The following CADPS2 variants were observed in gnomAD, a reference collection of about 807,000 sequenced individuals.
The protein encoded by CADPS2 is calcium-dependent secretion activator 2.
A neutral mutation model predicts 172.5 loss-of-function variants in CADPS2; 93 were observed. That is an observed-to-expected ratio of 0.54 (90% CI 0.46 to 0.64). The LOEUF (loss-of-function observed/expected upper bound fraction) is 0.64. Ranked by LOEUF, CADPS2 falls within the 30% of genes least tolerant of loss-of-function variation. The pLI, the probability that CADPS2 is intolerant of heterozygous loss-of-function variation, is 0.00. For synonymous variants in CADPS2, 546 were observed against 555.2 expected (o/e 0.98, Z 0.23); for missense variants, 1,420 against 1,565.9 (o/e 0.91, Z 1.57).
intron 12 of CADPS2, among the ~76,000 whole-genome samples, chr7:122,479,093 AT>A (rs2057013927): frequency 6.6e-6 from 1 of 152,136 alleles, no homozygotes; most frequent in Admixed American, 6.6e-5. Context: ...AAAGGAGGCC[AT>A]TTTTTAGCAT....
intron 2 of CADPS2, among the ~76,000 whole-genome samples, chr7:122,667,066 T>C (rs562838856): frequency 2.9e-4 from 44 of 152,334 alleles, no homozygotes; most frequent in Non-Finnish European, 5.3e-4. Context: ...AACCAATTTG[T>C]TATTGTTTAT....
At chr7:122,351,103 T>C (rs985162860) in intron 27 of CADPS2, among the ~76,000 whole-genome samples, 10 of 152,070 alleles carry the variant, frequency 6.6e-5, no homozygotes, top group Non-Finnish European at 1.0e-4. Context: ...TGGTGATTCA[T>C]GCCTGTAATC....
rs532944536 is a variant in CADPS2, at chr7:122,490,147, C to A, written c.1786G>T (p.Val596Phe). Residue 596 changes from valine to phenylalanine, a missense_variant, in exon 11 of 30, where the codon GTT becomes TTT. Coordinates refer to ENST00000449022, the MANE Select transcript of CADPS2 (RefSeq NM_017954.11). ...AGTTTCTGGGTTTGAATTGCAGGAACTGGTTTATATGATTGACCTGTGGCC... is the reference window on the plus strand; with the variant it reads ...AGTTTCTGGGTTTGAATTGCAGGAAATGGTTTATATGATTGACCTGTGGCC... ...YRATGQSYKP[V>F]PAIQTQKLNP... 3.2e-5 allele frequency: 51 copies of A among 1,613,346 alleles called. No individual in the cohort carries two copies. The highest frequency in any genetic ancestry group is 1.6e-4 in the Middle Eastern group (1 of 6,078).
At chr7:122,651,727 T>C (rs906989603) in intron 3 of CADPS2, among the ~76,000 whole-genome samples, 9 of 152,244 alleles carry the variant, frequency 5.9e-5, no homozygotes, top group African/African-American at 1.9e-4. Context: ...GTTAATGGAA[T>C]GAGATTATAA....
chr7:122,716,513 G>A (rs2089623431), intron 2 of CADPS2, among the ~76,000 whole-genome samples: 1 of 152,022 alleles, frequency 6.6e-6, no homozygotes, highest in African/African-American at 2.4e-5. Flanking sequence ...GAACACATTT[G>A]GTTTTCTGTC....
intron 7 of CADPS2, among the ~76,000 whole-genome samples, chr7:122,571,525 A>G (rs765686323): frequency 6.6e-6 from 1 of 152,160 alleles, no homozygotes; most frequent in Non-Finnish European, 1.5e-5. Flanking sequence ...ACTCAGGCCA[A>G]CTTCTCAGAG....
intron 25 of CADPS2, among the ~76,000 whole-genome samples, chr7:122,362,503 A>C (rs1300609047): frequency 5.3e-5 from 8 of 152,034 alleles, no homozygotes; most frequent in Non-Finnish European, 7.3e-5. Flanking sequence ...TGAAATAAAA[A>C]AACACATACA....
intron 1 of CADPS2, among the ~76,000 whole-genome samples, chr7:122,801,007 A>G (rs1248343847): frequency 2.8e-5 from 4 of 145,304 alleles, no homozygotes; most frequent in Non-Finnish European, 4.5e-5. Flanking sequence ...AAAAAAAAAA[A>G]AGAAAATTCA....
intron 1 of CADPS2, among the ~76,000 whole-genome samples, chr7:122,848,433 T>A (rs1584899612): frequency 6.6e-6 from 1 of 152,188 alleles, no homozygotes; most frequent in African/African-American, 2.4e-5. Flanking sequence ...ATCTACAGGC[T>A]ACCATGGCCA....
At chr7:122,391,898 C>T (rs1343357882) in intron 22 of CADPS2, among the ~76,000 whole-genome samples, 9 of 152,050 alleles carry the variant, frequency 5.9e-5, no homozygotes, top group South Asian at 4.1e-4. Flanking sequence ...TGTAGTCAAA[C>T]GAACCTGGGT....
intron 13 of CADPS2, among the ~76,000 whole-genome samples, chr7:122,472,593 G>C (rs1238843657): frequency 6.6e-6 from 1 of 152,116 alleles, no homozygotes; most frequent in Non-Finnish European, 1.5e-5. Context: ...ATTCTCCTCA[G>C]ACTCCATATT....
chr7:122,489,193 T>C (rs974611729), intron 11 of CADPS2, among the ~76,000 whole-genome samples: 2 of 152,184 alleles, frequency 1.3e-5, no homozygotes, highest in Non-Finnish European at 2.9e-5. Flanking sequence ...ATGGTTCACA[T>C]TTAATTATTT....
intron 2 of CADPS2, among the ~76,000 whole-genome samples, chr7:122,723,137 A>G (rs2090662232): frequency 6.6e-6 from 1 of 152,170 alleles, no homozygotes; most frequent in Non-Finnish European, 1.5e-5. Context: ...CTTCATGTCT[A>G]AAACAACAAA....
intron 20 of CADPS2, among the ~76,000 whole-genome samples, chr7:122,402,796 G>C (rs1357682733): frequency 6.6e-6 from 1 of 152,120 alleles, no homozygotes; most frequent in Non-Finnish European, 1.5e-5. Flanking sequence ...GACTGATGCC[G>C]ATGTAAGCAA....
intron 2 of CADPS2, among the ~76,000 whole-genome samples, chr7:122,715,616 C>T (rs2089480397): frequency 6.6e-6 from 1 of 152,050 alleles, no homozygotes; most frequent in Non-Finnish European, 1.5e-5. Context: ...ACGAAAGCTG[C>T]TTTCCTACGG....
chr7:122,635,168 T>G (rs1039757972), intron 3 of CADPS2, among the ~76,000 whole-genome samples: 1 of 152,174 alleles, frequency 6.6e-6, no homozygotes, highest in Admixed American at 6.6e-5. Context: ...TAGGTCCAAT[T>G]GGTTAAGTGT....
intron 1 of CADPS2, among the ~76,000 whole-genome samples, chr7:122,741,855 A>G (rs1464880650): frequency 6.6e-6 from 1 of 152,188 alleles, no homozygotes; most frequent in Non-Finnish European, 1.5e-5. Flanking sequence ...TGTTACTTTC[A>G]TTCTTTAACA....
At chr7:122,550,453 T>A (rs1053160326) in intron 8 of CADPS2, among the ~76,000 whole-genome samples, 4 of 152,216 alleles carry the variant, frequency 2.6e-5, no homozygotes, top group Non-Finnish European at 2.9e-5. Flanking sequence ...TACGAAACTC[T>A]ATTTTTACTA....
chr7:122,387,077 G>A lies in CADPS2; in HGVS notation c.3261C>T (p.Val1087=), dbSNP rs756515384. 5 of 1,561,926 alleles carry A rather than the reference G, an allele frequency of 3.2e-6. No homozygotes were observed. The highest frequency in any genetic ancestry group is 2.4e-5 in the South Asian group (2 of 85,066). ...GTTTGGTGCTTTGCTTTTTGGCATCGACTAATACATTAAACATAGTGCAAA... is the reference window on the plus strand; with the variant it reads ...GTTTGGTGCTTTGCTTTTTGGCATCAACTAATACATTAAACATAGTGCAAA... ...ASVCTMFNVL[V]DAKKQSTKLC... The change falls in exon 24 of 30, where the codon GTC becomes GTT. Residue 1087 remains valine (V), a synonymous_variant. Coordinates refer to ENST00000449022, the MANE Select transcript of CADPS2 (RefSeq NM_017954.11).
Sources: allele counts gnomAD v4.1 joint callset (sites outside exome capture counted in the v4.1 genomes callset), GRCh38; gene constraint gnomAD v4.1.1; transcripts MANE v1.5; gene names NCBI Gene and HGNC (gene_info 2026-07-23, HGNC 2026-07-21).